Variants in PXDNL observed in about 807,000 individuals in gnomAD.
PXDNL encodes the protein probable oxidoreductase PXDNL.
Under a neutral mutation model 150.8 loss-of-function variants are expected in PXDNL, and 145 were observed. The observed-to-expected ratio is 0.96, with a 90% CI of 0.84 to 1.10. The LOEUF (loss-of-function observed/expected upper bound fraction) is 1.10, where lower values mean the gene tolerates loss of function less well. Among genes scored for constraint, PXDNL ranks in the 50% least tolerant of loss-of-function variants. The probability of loss-of-function intolerance (pLI) is 0.00; values close to 1 mark genes in which losing one functional copy is unlikely to be tolerated. For synonymous variants in PXDNL, 757 were observed against 725.7 expected, an observed-to-expected ratio of 1.04 and a Z score of -0.69; for missense variants, 2,087 against 1,873.9, an observed-to-expected ratio of 1.11 and a Z score of -2.10.
chr8:51,406,079 G>A (rs1808428134), intron 17 of PXDNL, among the ~76,000 whole-genome samples: 1 of 152,198 alleles, frequency 6.6e-6, no homozygotes, highest in Admixed American at 6.5e-5. Flanking sequence ...GCCGACAGTG[G>A]AGGCTAACAC....
At chr8:51,781,982 CAT>C (rs1230022917) in intron 1 of PXDNL, among the ~76,000 whole-genome samples, 1 of 152,198 alleles carries the variant, frequency 6.6e-6, no homozygotes, top group African/African-American at 2.4e-5. Flanking sequence ...CTCCTCACCA[CAT>C]GTGTTCAAAT....
At chr8:51,643,699 T>C (rs1241214970) in intron 2 of PXDNL, among the ~76,000 whole-genome samples, 1 of 152,184 alleles carries the variant, frequency 6.6e-6, no homozygotes. Flanking sequence ...AAGTGGGATC[T>C]AATTAAACTC....
intron 1 of PXDNL, among the ~76,000 whole-genome samples, chr8:51,753,510 T>C (rs1404992319): frequency 2.0e-5 from 3 of 152,338 alleles, no homozygotes; most frequent in East Asian, 3.9e-4. Flanking sequence ...AAGAAGAGTA[T>C]CTTTTTATGT....
At chr8:51,531,240 G>A (rs1305154646) in intron 4 of PXDNL, among the ~76,000 whole-genome samples, 2 of 152,234 alleles carry the variant, frequency 1.3e-5, no homozygotes, top group Admixed American at 6.5e-5. Context: ...TCCAGTGGAA[G>A]GAGTTATAAT....
chr8:51,663,564 C>T (rs1365868842), intron 1 of PXDNL, among the ~76,000 whole-genome samples: 1 of 152,196 alleles, frequency 6.6e-6, no homozygotes, highest in East Asian at 1.9e-4. Context: ...CGGCCACCTT[C>T]TCCAGATCAT....
chr8:51,522,935 T>G (rs139170992), intron 4 of PXDNL, among the ~76,000 whole-genome samples: 1,648 of 152,302 alleles, frequency 0.011, 11 homozygotes, highest in South Asian at 0.045. Flanking sequence ...ACTTTATCTT[T>G]GTGGGAAACT....
intron 2 of PXDNL, among the ~76,000 whole-genome samples, chr8:51,632,779 C>A (rs1165376090): frequency 6.6e-6 from 1 of 152,074 alleles, no homozygotes; most frequent in East Asian, 1.9e-4. Context: ...TCTTCCCTAA[C>A]CAAATAGAAT....
At chr8:51,555,326 A>G (rs1812577567) in intron 4 of PXDNL, among the ~76,000 whole-genome samples, 2 of 152,134 alleles carry the variant, frequency 1.3e-5, no homozygotes, top group African/African-American at 4.8e-5. Context: ...AACAACATTA[A>G]TCTATTCATT....
At chr8:51,440,091 C>T (rs954759588) in intron 12 of PXDNL, among the ~76,000 whole-genome samples, 9 of 151,804 alleles carry the variant, frequency 5.9e-5, no homozygotes, top group African/African-American at 2.2e-4. Context: ...TGGAATACTA[C>T]TCAGCCATAA....
chr8:51,725,821 TCA>T (rs1404039217), intron 1 of PXDNL, among the ~76,000 whole-genome samples: 1 of 152,236 alleles, frequency 6.6e-6, no homozygotes, highest in Non-Finnish European at 1.5e-5. Context: ...AGGCAAGTAT[TCA>T]CACACAGGTA....
At chr8:51,331,435 C>T (rs1398149317) in intron 21 of PXDNL, among the ~76,000 whole-genome samples, 2 of 152,138 alleles carry the variant, frequency 1.3e-5, no homozygotes, top group Admixed American at 1.3e-4. Context: ...GAAGGACTTC[C>T]TTAGCTGAAC....
intron 4 of PXDNL, among the ~76,000 whole-genome samples, chr8:51,545,625 G>A (rs1812343163): frequency 6.6e-6 from 1 of 152,102 alleles, no homozygotes; most frequent in Non-Finnish European, 1.5e-5. Flanking sequence ...ATGGCCTTAT[G>A]TCATCCCATG....
At position 51,380,142 on chromosome 8, in the gene PXDNL, A is replaced by G. The variant is rs201746204; in HGVS notation, c.3558-5411T>C. The stretch of plus-strand genomic sequence containing the variant: ...GCTGACGAGCTAAAAAAAAAAAAAT[A>G]ACAAAAAAACTCATAATATTTTAAG... On this transcript the variant is annotated intron_variant, in intron 17 of 22. Coordinates refer to ENST00000356297, the MANE Select transcript of PXDNL (RefSeq NM_144651.5). 8.8e-5 allele frequency among the ~76,000 whole-genome samples: 13 copies of G among 147,890 alleles called. No individual in the cohort carries two copies. In the East Asian group the frequency reaches 2.2e-3, roughly 25 times the overall value.
At chr8:51,686,244 T>C (rs986569288) in intron 1 of PXDNL, among the ~76,000 whole-genome samples, 2 of 152,188 alleles carry the variant, frequency 1.3e-5, no homozygotes, top group African/African-American at 4.8e-5. Flanking sequence ...CTCTTGGTAA[T>C]GTGATAACAG....
chr8:51,739,124 A>T (rs2036874348), intron 1 of PXDNL, among the ~76,000 whole-genome samples: 2 of 152,172 alleles, frequency 1.3e-5, no homozygotes, highest in South Asian at 4.1e-4. Flanking sequence ...AAATCACAGT[A>T]AACACAGTAA....
intron 17 of PXDNL, among the ~76,000 whole-genome samples, chr8:51,398,030 A>G (rs1808139530): frequency 6.6e-6 from 1 of 152,212 alleles, no homozygotes; most frequent in African/African-American, 2.4e-5. Context: ...AATGAATGTA[A>G]GCTTCTGTTT....
intron 4 of PXDNL, among the ~76,000 whole-genome samples, chr8:51,548,082 A>G (rs1812400874): frequency 6.7e-6 from 1 of 148,826 alleles, no homozygotes; most frequent in African/African-American, 2.5e-5. Context: ...TAGAAGAAAC[A>G]ACTTCAGAAT....
At chr8:51,435,687 C>A in intron 12 of PXDNL, 1 of 243,240 alleles carries the variant, frequency 4.1e-6, no homozygotes, top group Admixed American at 5.5e-5. Context: ...GCGGAGCAGC[C>A]AGCTAAGCTG....
At chr8:51,798,100 G>A (rs1421225407) in intron 1 of PXDNL, among the ~76,000 whole-genome samples, 3 of 152,168 alleles carry the variant, frequency 2.0e-5, no homozygotes, top group Non-Finnish European at 4.4e-5. Flanking sequence ...TTATTAAAAG[G>A]TGCTGGGTAA....
Sources: gnomAD v4.1 joint callset for allele counts (sites outside exome capture counted in the v4.1 genomes callset) on GRCh38, gnomAD v4.1.1 for gene constraint, MANE v1.5 for transcripts, NCBI Gene and HGNC (gene_info 2026-07-23, HGNC 2026-07-21) for gene names.